FSTL5: variants seen among roughly 807,000 people sequenced by gnomAD.
FSTL5 encodes the protein follistatin like 5.
FSTL5 carries 62 observed loss-of-function variants against 89.1 expected under a neutral mutation model. That is an observed-to-expected ratio of 0.70 (90% CI 0.57 to 0.86). FSTL5 has a LOEUF of 0.86. Ranked by LOEUF, FSTL5 falls within the 40% of genes least tolerant of loss-of-function variation. The pLI is 0.00. For missense variants in FSTL5, 1,057 were observed against 1,001.6 expected, an observed-to-expected ratio of 1.06 and a Z score of -0.75; for synonymous variants, 383 against 346.2, an observed-to-expected ratio of 1.11 and a Z score of -1.18.
chr4:161,419,511 T>A (rs1273687854), intron 15 of FSTL5, among the ~76,000 whole-genome samples: 2 of 152,190 alleles, frequency 1.3e-5, no homozygotes, highest in Admixed American at 1.3e-4. Context: ...CCTTAAGGAA[T>A]GTCTGTCCTG....
intron 10 of FSTL5, among the ~76,000 whole-genome samples, chr4:161,535,660 T>C (rs1731583488): frequency 1.3e-5 from 2 of 152,160 alleles, no homozygotes; most frequent in African/African-American, 4.8e-5. Flanking sequence ...GTTCAGCCAC[T>C]GTGGTTAGCA....
At chr4:161,536,671 C>A (rs1451884174) in intron 10 of FSTL5, among the ~76,000 whole-genome samples, 1 of 152,108 alleles carries the variant, frequency 6.6e-6, no homozygotes. Flanking sequence ...TCCTGTTAAA[C>A]CTTCTCCTAA....
At position 161,540,039 on chromosome 4, in the gene FSTL5, T is replaced by C. The variant is rs138885418; in HGVS notation, c.1178-1739A>G. 4.5e-3 allele frequency among the ~76,000 whole-genome samples: 691 copies of C among 152,188 alleles called. 12 individuals are homozygous for C. In the South Asian group the frequency reaches 0.054, roughly 12 times the overall value. On this transcript the variant is annotated intron_variant, in intron 9 of 15. Coordinates refer to ENST00000306100, the MANE Select transcript of FSTL5 (RefSeq NM_020116.5). ...TTTACATGTTCTCCTAACCTATATG[T>C]CCCATTGTCTTTCCTTCTCTTCCTA...
At chr4:161,465,830 T>A (rs1240312767) in intron 13 of FSTL5, among the ~76,000 whole-genome samples, 1 of 152,240 alleles carries the variant, frequency 6.6e-6, no homozygotes. Context: ...GTTCACACTG[T>A]AGCCTTTGCT....
At chr4:161,724,641 A>T (rs374066149) in intron 6 of FSTL5, among the ~76,000 whole-genome samples, 13 of 152,226 alleles carry the variant, frequency 8.5e-5, no homozygotes, top group East Asian at 3.8e-4. Context: ...CAATAGAAAG[A>T]CAATCACACA....
At chr4:162,092,947 C>CAAAA (rs57860357) in intron 2 of FSTL5, among the ~76,000 whole-genome samples, 175 of 80,602 alleles carry the variant, frequency 2.2e-3, no homozygotes, top group South Asian at 4.7e-3. Context: ...GACTCTGTCT[C>CAAAA]AAAAAAAAAA....
intron 15 of FSTL5, among the ~76,000 whole-genome samples, chr4:161,436,334 T>A (rs1732560923): frequency 6.6e-6 from 1 of 152,192 alleles, no homozygotes; most frequent in South Asian, 2.1e-4. Flanking sequence ...TCTTCTAACT[T>A]TTAGGGAGGT....
chr4:161,934,725 G>C lies in FSTL5; in HGVS notation c.161-14073C>G, dbSNP rs78797212. On this transcript the variant is annotated intron_variant, in intron 3 of 15. Coordinates refer to ENST00000306100, the MANE Select transcript of FSTL5 (RefSeq NM_020116.5). ...CAATGTATGCAAATCTCTTAAAATA[G>C]TGTCTGCCAGACATTACAACTGCTA... Among the ~76,000 whole-genome samples the C allele has an allele frequency of 9.6e-3, 1,452 of 151,964 alleles. 18 individuals are homozygous for C. Among genetic ancestry groups the C allele is most frequent in the African/African-American group, 0.033 (1,356 of 41,490 alleles).
chr4:161,469,387 C>G (rs58987398), intron 13 of FSTL5, among the ~76,000 whole-genome samples: 1 of 152,102 alleles, frequency 6.6e-6, no homozygotes, highest in Non-Finnish European at 1.5e-5. Flanking sequence ...CCACCAGTCT[C>G]TCAAAGCAGT....
chr4:161,681,876 G>A (rs1310344182), intron 6 of FSTL5, among the ~76,000 whole-genome samples: 4 of 152,006 alleles, frequency 2.6e-5, no homozygotes, highest in Non-Finnish European at 4.4e-5. Context: ...TAATGACAGC[G>A]ATACTTTCTT....
intron 2 of FSTL5, among the ~76,000 whole-genome samples, chr4:162,061,016 T>C (rs1303070227): frequency 6.6e-6 from 1 of 152,142 alleles, no homozygotes; most frequent in Non-Finnish European, 1.5e-5. Flanking sequence ...ACCTATGATT[T>C]ATTTTAAAAT....
At chr4:161,487,594 A>G (rs1729723293) in intron 12 of FSTL5, among the ~76,000 whole-genome samples, 1 of 152,080 alleles carries the variant, frequency 6.6e-6, no homozygotes. Context: ...TTTACAAGAG[A>G]AAAACAGAAT....
intron 4 of FSTL5, among the ~76,000 whole-genome samples, chr4:161,846,470 T>C (rs1234032460): frequency 6.6e-6 from 1 of 152,140 alleles, no homozygotes; most frequent in Admixed American, 6.6e-5. Flanking sequence ...TATACAGTTT[T>C]ACAGGTACCT....
intron 4 of FSTL5, among the ~76,000 whole-genome samples, chr4:161,897,184 A>T (rs558673918): frequency 3.5e-4 from 53 of 152,036 alleles, no homozygotes; most frequent in African/African-American, 1.3e-3. Context: ...TTCATGAAAT[A>T]AAAAATATTA....
intron 4 of FSTL5, among the ~76,000 whole-genome samples, chr4:161,877,943 T>C (rs1052458584): frequency 3.5e-4 from 53 of 151,574 alleles, no homozygotes; most frequent in Non-Finnish European, 7.4e-5. Context: ...CATGAGTAAC[T>C]GCGCCCGGCA....
chr4:162,157,040 T>C (rs1204403743), intron 1 of FSTL5, among the ~76,000 whole-genome samples: 1 of 152,164 alleles, frequency 6.6e-6, no homozygotes, highest in Non-Finnish European at 1.5e-5. Context: ...AGAAATTTTG[T>C]CTCATTATTA....
chr4:161,590,294 C>T (rs548620906), intron 7 of FSTL5, among the ~76,000 whole-genome samples: 2 of 152,272 alleles, frequency 1.3e-5, no homozygotes, highest in Admixed American at 1.3e-4. Flanking sequence ...AATCCCAACA[C>T]TTTGGGGGCC....
intron 2 of FSTL5, among the ~76,000 whole-genome samples, chr4:162,084,439 TACA>T (rs1730226135): frequency 6.6e-6 from 1 of 152,008 alleles, no homozygotes; most frequent in African/African-American, 2.4e-5. Flanking sequence ...AGTATAAAAC[TACA>T]ACAACAAAAT....
At chr4:161,754,853 C>G (rs993729060) in intron 6 of FSTL5, among the ~76,000 whole-genome samples, 1 of 152,024 alleles carries the variant, frequency 6.6e-6, no homozygotes, top group Non-Finnish European at 1.5e-5. Context: ...GTATTCCATG[C>G]AAATCATACT....
Sources: gnomAD v4.1 joint callset for allele counts (sites outside exome capture counted in the v4.1 genomes callset) on GRCh38, gnomAD v4.1.1 for gene constraint, MANE v1.5 for transcripts, NCBI Gene and HGNC (gene_info 2026-07-23, HGNC 2026-07-21) for gene names.